RGS6: variants seen among roughly 807,000 people sequenced by gnomAD.
RGS6 encodes regulator of G-protein signaling 6.
In RGS6, 30 loss-of-function variants were observed where a neutral mutation model predicts 78.5. The observed-to-expected ratio is 0.38, with a 90% confidence interval of 0.29 to 0.52. The LOEUF (loss-of-function observed/expected upper bound fraction) is 0.52, where lower values mean the gene tolerates loss of function less well. Ranked by LOEUF, RGS6 falls within the 20% of genes least tolerant of loss-of-function variation. The probability of loss-of-function intolerance (pLI) is 0.85; values close to 1 mark genes in which losing one functional copy is unlikely to be tolerated. For missense variants in RGS6, 495 were observed against 609.7 expected, an observed-to-expected ratio of 0.81 and a Z score of 1.98; for synonymous variants, 206 against 206.0, an observed-to-expected ratio of 1.00 and a Z score of 0.00.
rs1566914149 is a variant in RGS6, at chr14:72,465,602, T to TGGA, written c.395-156_395-155insGGA. ...GATGGATGGATGGATGGATGGATGG[T>TGGA]TGGGTGGATGGGTGGATGGGTGGAT... On this transcript the variant is annotated intron_variant, in intron 6 of 17. Coordinates refer to ENST00000553525, the MANE Select transcript of RGS6 (RefSeq NM_001204424.2). 2.6e-3 allele frequency among the ~76,000 whole-genome samples: 255 copies of TGGA among 99,210 alleles called. 1 individual carries two copies. Among genetic ancestry groups the TGGA allele is most frequent in the African/African-American group, 7.1e-3 (179 of 25,380 alleles). 65.1% of individuals were successfully genotyped at this position (99,210 alleles called of 152,430 possible).
chr14:72,274,627 C>T (rs998818134), intron 2 of RGS6, among the ~76,000 whole-genome samples: 1 of 152,230 alleles, frequency 6.6e-6, no homozygotes, highest in Middle Eastern at 3.4e-3. Context: ...TGGAGATTGG[C>T]CTGGGTTATC....
At chr14:71,902,975 A>C in the RGS6 span, among the ~76,000 whole-genome samples, 1 of 152,170 alleles carries the variant, frequency 6.6e-6, no homozygotes, top group East Asian at 1.9e-4. Context: ...TTTTTGTTGG[A>C]TGGTTTCCTG....
intron 2 of RGS6, among the ~76,000 whole-genome samples, chr14:72,194,652 G>T (rs921318191): frequency 3.3e-5 from 5 of 152,146 alleles, no homozygotes; most frequent in South Asian, 2.1e-4. Context: ...GTGAGCTACT[G>T]TGCCCGGCCT....
chr14:72,373,244 AG>A (rs2152843876), intron 3 of RGS6, among the ~76,000 whole-genome samples: 1 of 152,352 alleles, frequency 6.6e-6, no homozygotes, highest in Non-Finnish European at 1.5e-5. Context: ...ATAAGGGAAA[AG>A]TAAAATTATT....
chr14:72,459,831 A>T, intron 6 of RGS6, 148 bp downstream of exon 6: 1 of 769,828 alleles, frequency 1.3e-6, no homozygotes, highest in South Asian at 1.6e-5. Context: ...GTTGCTATAT[A>T]ACAAATCTCC....
chr14:71,948,234 C>T (rs2091819400), intron 1 of RGS6, among the ~76,000 whole-genome samples: 2 of 152,288 alleles, frequency 1.3e-5, no homozygotes, highest in East Asian at 1.9e-4. Flanking sequence ...AATCTTCTTT[C>T]TTCCAGCGTC....
At position 71,994,962 on chromosome 14, in the gene RGS6, C is replaced by T. The variant is rs139103485; in HGVS notation, c.84+30087C>T. Among the ~76,000 whole-genome samples, 23 of 152,256 alleles carry T rather than the reference C, an allele frequency of 1.5e-4. No individual in the cohort carries two copies. The East Asian group carries it at 3.7e-3, about 24-fold the overall frequency. On this transcript the variant is annotated intron_variant, in intron 2 of 17. Coordinates refer to ENST00000553525, the MANE Select transcript of RGS6 (RefSeq NM_001204424.2). ...TTCACCGTCCTTACAGCCAGCAAGA[C>T]GGGATGTTTCAGATGACCCTGTCCT...
intron 13 of RGS6, among the ~76,000 whole-genome samples, chr14:72,499,049 G>T (rs908105577): frequency 6.6e-6 from 1 of 152,150 alleles, no homozygotes; most frequent in Non-Finnish European, 1.5e-5. Context: ...TGACATCCCT[G>T]CAGCCAAGTG....
At chr14:72,313,533 G>C (rs2069190682) in intron 2 of RGS6, among the ~76,000 whole-genome samples, 1 of 152,164 alleles carries the variant, frequency 6.6e-6, no homozygotes, top group Admixed American at 6.5e-5. Flanking sequence ...TCCTGCCACA[G>C]TTTCTCCCCT....
At chr14:72,435,977 ATAAGTAGAGTAAG>A (rs932372494) in intron 3 of RGS6, among the ~76,000 whole-genome samples, 2 of 152,170 alleles carry the variant, frequency 1.3e-5, no homozygotes, top group African/African-American at 2.4e-5. Flanking sequence ...ATTGTCATGT[ATAAGTAGAGTAAG>A]TAAGTAGAGT....
At chr14:72,407,070 CTG>C (rs2092994872) in intron 3 of RGS6, among the ~76,000 whole-genome samples, 1 of 152,218 alleles carries the variant, frequency 6.6e-6, no homozygotes, top group Non-Finnish European at 1.5e-5. Context: ...TTGTTACATA[CTG>C]TTCATAATTA....
chr14:72,521,022 G>A (rs1203144537), intron 15 of RGS6, among the ~76,000 whole-genome samples: 1 of 152,168 alleles, frequency 6.6e-6, no homozygotes, highest in Non-Finnish European at 1.5e-5. Flanking sequence ...GTGTTTCATT[G>A]TTCCTGGATT....
At chr14:72,280,609 A>G (rs1392930211) in intron 2 of RGS6, among the ~76,000 whole-genome samples, 2 of 152,278 alleles carry the variant, frequency 1.3e-5, no homozygotes, top group Non-Finnish European at 2.9e-5. Flanking sequence ...GGACACAGAA[A>G]TGAAGAGAGA....
intron 1 of RGS6, among the ~76,000 whole-genome samples, chr14:71,953,950 T>C (rs1412642293): frequency 2.1e-5 from 3 of 142,308 alleles, no homozygotes; most frequent in Non-Finnish European, 4.5e-5. Context: ...TTGCACTAGA[T>C]GTAGAATTCT....
chr14:72,348,983 G>T (rs186210383), intron 2 of RGS6, among the ~76,000 whole-genome samples: 7,685 of 151,928 alleles, frequency 0.051, 309 homozygotes, highest in East Asian at 0.25. Flanking sequence ...TGGCTAACAT[G>T]GTGAAACCCT....
intron 12 of RGS6, among the ~76,000 whole-genome samples, chr14:72,484,986 G>A (rs1483088845): frequency 7.2e-6 from 1 of 138,084 alleles, no homozygotes; most frequent in African/African-American, 2.7e-5. Context: ...GCAGGAGTAT[G>A]TGAACAAATA....
chr14:72,436,154 G>A (rs2094904524), intron 3 of RGS6, among the ~76,000 whole-genome samples: 1 of 152,148 alleles, frequency 6.6e-6, no homozygotes, highest in Non-Finnish European at 1.5e-5. Context: ...TGGAAGTCAA[G>A]CACTAGGATG....
In RGS6 at chr14:72,509,008, A is replaced by G. The variant is rs557359309; in HGVS notation, c.966-1146A>G. 1.6e-4 allele frequency among the ~76,000 whole-genome samples: 25 copies of G among 152,318 alleles called. 1 individual carries two copies. The South Asian group carries it at 4.8e-3, about 29-fold the overall frequency. ...GCCCAACACCAGAAGAATTAGACCA[A>G]TGCCCATTCTTTAGTCTGAATGTGA... On this transcript the variant is annotated intron_variant, in intron 13 of 17. Transcript: ENST00000553525.
At chr14:72,066,121 TC>T in intron 2 of RGS6, among the ~76,000 whole-genome samples, 1 of 152,342 alleles carries the variant, frequency 6.6e-6, no homozygotes, top group East Asian at 1.9e-4. Flanking sequence ...TTAAATATCT[TC>T]TATAAAATAT....
Sources: gnomAD v4.1 joint callset for allele counts (sites outside exome capture counted in the v4.1 genomes callset) on GRCh38, gnomAD v4.1.1 for gene constraint, MANE v1.5 for transcripts, NCBI Gene and HGNC (gene_info 2026-07-23, HGNC 2026-07-21) for gene names.